CNGB3: variants seen among roughly 807,000 people sequenced by gnomAD.
CNGB3 encodes cyclic nucleotide gated channel subunit beta 3, also known as cyclic nucleotide-gated channel beta-3.
A neutral mutation model predicts 92.8 loss-of-function variants in CNGB3; 86 were observed. The ratio of observed to expected loss-of-function variants is 0.93; its 90% CI spans 0.78 to 1.11. The LOEUF (loss-of-function observed/expected upper bound fraction) is 1.11. Ranked by LOEUF, CNGB3 falls within the 50% of genes least tolerant of loss-of-function variation. The pLI, the probability that CNGB3 is intolerant of heterozygous loss-of-function variation, is 0.00. For missense variants in CNGB3, 1,026 were observed against 956.8 expected (o/e 1.07, Z -0.95); for synonymous variants, 333 against 332.7 (o/e 1.00, Z -0.01).
intron 6 of CNGB3, chr8:86,659,174 G>T: frequency 1.4e-6 from 1 of 712,552 alleles, no homozygotes; most frequent in Middle Eastern, 2.4e-4. Flanking sequence ...CCCTCAATGT[G>T]TGCACCTGCT....
chr8:86,594,915 G>T (rs1288382488), intron 15 of CNGB3, among the ~76,000 whole-genome samples: 1 of 151,988 alleles, frequency 6.6e-6, no homozygotes, highest in African/African-American at 2.4e-5. Context: ...GTAGAGACAG[G>T]GTTTCACCAT....
Position 86,611,671 on chromosome 8 carries a change from C to A in CNGB3, c.1579G>T (p.Gly527Cys). Residue 527 changes from glycine (G) to cysteine (C), a missense_variant and splice_region_variant, in exon 14 of 18, where the codon GGT (glycine) becomes TGT (cysteine). Transcript: ENST00000320005. Reference protein sequence around the residue: ...SIISKVDLFKGCDTQMIYDML... With the variant: ...SIISKVDLFKCCDTQMIYDML... ...TCATAAATCATCTGTGTATCACAAC[C>A]CTATATAAAAAGAAAAATAATTCTT... 1 of 1,604,552 alleles carries A rather than the reference C, an allele frequency of 6.2e-7. No homozygotes were observed. The highest frequency in any genetic ancestry group is 2.2e-5 in the East Asian group (1 of 44,750).
chr8:86,606,853 T>C (rs999848132), intron 14 of CNGB3, among the ~76,000 whole-genome samples: 1 of 152,180 alleles, frequency 6.6e-6, no homozygotes, highest in Non-Finnish European at 1.5e-5. Context: ...GTCATCTGAC[T>C]CTATATAATA....
chr8:86,719,483 A>G (rs1586035103), intron 3 of CNGB3, among the ~76,000 whole-genome samples: 1 of 152,194 alleles, frequency 6.6e-6, no homozygotes, highest in Non-Finnish European at 1.5e-5. Context: ...AAAGACCTCT[A>G]CAAGGAAAAC....
At chr8:86,717,994 C>T (rs575918619) in intron 3 of CNGB3, among the ~76,000 whole-genome samples, 3 of 151,808 alleles carry the variant, frequency 2.0e-5, no homozygotes, top group Non-Finnish European at 4.4e-5. Context: ...CTATCAAAAC[C>T]CCTGGGATAT....
chr8:86,715,355 G>T (rs543638118), intron 3 of CNGB3, among the ~76,000 whole-genome samples: 3 of 152,084 alleles, frequency 2.0e-5, no homozygotes, highest in Non-Finnish European at 2.9e-5. Flanking sequence ...ACCTGAAGAC[G>T]GATCACATCA....
chr8:86,732,692 CA>C (rs754738304), intron 2 of CNGB3, among the ~76,000 whole-genome samples: 1 of 152,248 alleles, frequency 6.6e-6, no homozygotes, highest in Non-Finnish European at 1.5e-5. Flanking sequence ...TTCATCATCT[CA>C]AACTAGAAAG....
chr8:86,666,771 T>C (rs1823746403), intron 6 of CNGB3, among the ~76,000 whole-genome samples, 154 bp downstream of exon 6: 1 of 152,170 alleles, frequency 6.6e-6, no homozygotes, highest in Non-Finnish European at 1.5e-5. Flanking sequence ...ATGGCTGTTT[T>C]ATAATTGTTT....
chr8:86,626,977 C>T (rs968962674), intron 12 of CNGB3, among the ~76,000 whole-genome samples: 12 of 151,944 alleles, frequency 7.9e-5, no homozygotes, highest in South Asian at 6.2e-4. Flanking sequence ...ACCTATTCAT[C>T]GTTTTTCCTG....
rs1011764285 is a variant in CNGB3 at position 86,667,013 on chromosome 8, A to G, written c.764T>C (p.Ile255Thr). The change falls in exon 6 of 18, where the codon ATT (isoleucine) becomes ACT (threonine). Residue 255 changes from isoleucine to threonine, a missense_variant. Transcript: ENST00000320005. The stretch of plus-strand genomic sequence containing the variant: ...GATGATATCACATATGATGTCCGCA[A>G]TAAGCCAGTAGTGTATGTTGTCTGC... ...QTADNIHYWL[I>T]ADIICDIIYL... 5.0e-6 allele frequency: 8 copies of G among 1,613,938 alleles called. No individual in the cohort carries two copies. The African/African-American group carries it at 5.3e-5, about 11-fold the overall frequency.
chr8:86,702,898 T>C (rs1824580925), intron 3 of CNGB3, among the ~76,000 whole-genome samples: 1 of 152,054 alleles, frequency 6.6e-6, no homozygotes, highest in African/African-American at 2.4e-5. Flanking sequence ...TGATGAAGTC[T>C]AATTATTCAT....
At chr8:86,632,658 A>G (rs1822984473) in intron 11 of CNGB3, 94 bp downstream of exon 11, 3 of 1,318,838 alleles carry the variant, frequency 2.3e-6, no homozygotes, top group East Asian at 2.3e-5. Context: ...GAAGAACCAG[A>G]CAGATTTTAA....
At chr8:86,604,546 A>G (rs928979236) in intron 14 of CNGB3, among the ~76,000 whole-genome samples, 5 of 152,174 alleles carry the variant, frequency 3.3e-5, no homozygotes, top group African/African-American at 1.2e-4. Flanking sequence ...CCTGGCTTTG[A>G]TGACCACCAC....
chr8:86,632,960 G>A, intron 10 of CNGB3, 67 bp from the exon 11 acceptor site: 1 of 1,399,480 alleles, frequency 7.1e-7, no homozygotes, highest in Non-Finnish European at 1.0e-6. Context: ...ATTCTTGGGA[G>A]AATATAGTAC....
At chr8:86,691,444 T>C (rs778815841) in intron 3 of CNGB3, among the ~76,000 whole-genome samples, 2 of 152,186 alleles carry the variant, frequency 1.3e-5, no homozygotes, top group African/African-American at 4.8e-5. Context: ...ATTCTTGTCT[T>C]ATTCCAGTTC....
chr8:86,705,948 G>T (rs1050238813), intron 3 of CNGB3, among the ~76,000 whole-genome samples: 3 of 152,188 alleles, frequency 2.0e-5, no homozygotes, highest in African/African-American at 7.2e-5. Flanking sequence ...TTAACACCTG[G>T]ATAACTTTTC....
At chr8:86,710,268 C>G (rs939673466) in intron 3 of CNGB3, among the ~76,000 whole-genome samples, 2 of 152,158 alleles carry the variant, frequency 1.3e-5, no homozygotes, top group Non-Finnish European at 2.9e-5. Context: ...TTTGCTATTT[C>G]CCATGCCTGA....
At chr8:86,660,233 T>G in intron 6 of CNGB3, 1 of 310,278 alleles carries the variant, frequency 3.2e-6, no homozygotes, top group South Asian at 3.1e-5. Flanking sequence ...TATGCTGATA[T>G]TCTCTCAATG....
At chr8:86,659,973 T>C (rs1823601669) in intron 6 of CNGB3, 1 of 348,586 alleles carries the variant, frequency 2.9e-6, no homozygotes, top group Non-Finnish European at 5.8e-6. Context: ...AAAGTCTTGG[T>C]TTCATCCATG....
Sources: gnomAD v4.1 joint callset for allele counts (sites outside exome capture counted in the v4.1 genomes callset) on GRCh38, gnomAD v4.1.1 for gene constraint, MANE v1.5 for transcripts, NCBI Gene and HGNC (gene_info 2026-07-23, HGNC 2026-07-21) for gene names.